Variants in MALT1 observed in about 807,000 individuals in gnomAD.
The protein encoded by MALT1 is MALT1 paracaspase, also known as mucosa-associated lymphoid tissue lymphoma translocation protein 1.
A neutral mutation model predicts 85.5 loss-of-function variants in MALT1; 36 were observed. The ratio of observed to expected loss-of-function variants is 0.42; its 90% CI spans 0.32 to 0.56. MALT1 has a LOEUF of 0.56. Among genes scored for constraint, MALT1 ranks in the 20% least tolerant of loss-of-function variants. The pLI, the probability that MALT1 is intolerant of heterozygous loss-of-function variation, is 0.10. For missense variants in MALT1, 716 were observed against 981.6 expected, an observed-to-expected ratio of 0.73 and a Z score of 3.62; for synonymous variants, 359 against 361.3, an observed-to-expected ratio of 0.99 and a Z score of 0.07.
chr18:58,741,432 A>G (rs1435927475), intron 13 of MALT1: 1 of 152,208 alleles, frequency 6.6e-6, no homozygotes, highest in Non-Finnish European at 1.5e-5. Flanking sequence ...CTGGATCACT[A>G]TATAATTTTG....
intron 13 of MALT1, among the ~76,000 whole-genome samples, chr18:58,736,112 A>T (rs1269509078): frequency 6.6e-6 from 1 of 152,140 alleles, no homozygotes; most frequent in African/African-American, 2.4e-5. Context: ...ACATAGCGAG[A>T]CCCTGTCTTC....
At chr18:58,720,415 T>G (rs1480296995) in intron 9 of MALT1, among the ~76,000 whole-genome samples, 2 of 152,216 alleles carry the variant, frequency 1.3e-5, no homozygotes, top group East Asian at 3.8e-4. Flanking sequence ...TACAAGTAGA[T>G]TGGACAGGTA....
chr18:58,671,517 C>T lies in MALT1; in HGVS notation c.-127C>T. On this transcript the variant is annotated 5_prime_UTR_variant, in exon 1 of 17. Coordinates refer to ENST00000649217, the MANE Select transcript of MALT1 (RefSeq NM_006785.4). The stretch of plus-strand genomic sequence containing the variant: ...GAGCTTCCTCCTCTGAGGGCCGTGC[C>T]GCGCTGCCAGATTTGTTCTTCCGCC... 3.7e-6 allele frequency: 2 copies of T among 534,992 alleles called. No homozygotes were observed. The highest frequency in any genetic ancestry group is 3.8e-5 in the East Asian group (1 of 26,188). 33.1% of individuals were successfully genotyped at this position (534,992 alleles called of 1,614,324 possible). A position where few individuals can be genotyped will look rare whatever the true frequency, so the allele number is the denominator to read the frequency against.
rs1343669825 is a variant in MALT1 at position 58,752,061 on chromosome 18, C to T, written c.*4219C>T. The stretch of plus-strand genomic sequence containing the variant: ...GCACATGAAGTAACAGTGAGGTGTC[C>T]TGTGCAGCAGTCGCAATTTTTTGAC... On this transcript the variant is annotated 3_prime_UTR_variant, in exon 17 of 17. Coordinates refer to ENST00000649217, the MANE Select transcript of MALT1 (RefSeq NM_006785.4). 2.0e-5 allele frequency: 3 copies of T among 152,188 alleles called. No homozygotes were observed. Among genetic ancestry groups the T allele is most frequent in the African/African-American group, 7.2e-5 (3 of 41,442 alleles). 9.4% of individuals were successfully genotyped at this position (152,188 alleles called of 1,614,324 possible).
chr18:58,703,966 A>C (rs568316713), intron 4 of MALT1, among the ~76,000 whole-genome samples: 16 of 152,304 alleles, frequency 1.1e-4, no homozygotes, highest in African/African-American at 3.8e-4. Flanking sequence ...TCCACTCAGC[A>C]TAATGTTTTT....
intron 16 of MALT1, among the ~76,000 whole-genome samples, chr18:58,746,700 C>T (rs2055371571): frequency 6.6e-6 from 1 of 151,548 alleles, no homozygotes; most frequent in South Asian, 2.1e-4. Context: ...ACAGCTTAAG[C>T]TTTTTTTATA....
At chr18:58,699,689 A>G (rs1282444274) in intron 3 of MALT1, among the ~76,000 whole-genome samples, 1 of 152,252 alleles carries the variant, frequency 6.6e-6, no homozygotes, top group Admixed American at 6.5e-5. Context: ...CAGATTTTAA[A>G]TCATCAGATT....
At chr18:58,684,945 G>A (rs2054379136) in intron 2 of MALT1, among the ~76,000 whole-genome samples, 1 of 152,090 alleles carries the variant, frequency 6.6e-6, no homozygotes, top group African/African-American at 2.4e-5. Context: ...TGCTGTGCTA[G>A]GCATTATGCT....
chr18:58,712,572 A>T (rs1398903161), intron 7 of MALT1, among the ~76,000 whole-genome samples: 1 of 152,176 alleles, frequency 6.6e-6, no homozygotes, highest in African/African-American at 2.4e-5. Context: ...AGGTTGGTTG[A>T]TAAGTACAGA....
At chr18:58,734,222 G>A in intron 11 of MALT1, 85 bp from the exon 12 acceptor site, 2 of 1,142,634 alleles carry the variant, frequency 1.8e-6, no homozygotes, top group African/African-American at 1.6e-5. Flanking sequence ...AAAAACTGTT[G>A]TATTTTCTCA....
At chr18:58,681,945 T>TA (rs1309953686) in intron 2 of MALT1, among the ~76,000 whole-genome samples, 1 of 152,164 alleles carries the variant, frequency 6.6e-6, no homozygotes, top group East Asian at 1.9e-4. Context: ...CAGCTGCAGA[T>TA]AGAGTTGGTC....
Position 58,700,998 on chromosome 18 carries a change from G to A in MALT1, c.649+407G>A, listed in dbSNP as rs149921819. 1.4e-3 allele frequency among the ~76,000 whole-genome samples: 209 copies of A among 152,078 alleles called. 1 individual carries two copies. The highest frequency in any genetic ancestry group is 0.01 in the Admixed American group (158 of 15,280). On this transcript the variant is annotated intron_variant, in intron 4 of 16. Coordinates refer to ENST00000649217, the MANE Select transcript of MALT1 (RefSeq NM_006785.4). ...AGTAGAAGTGGGGTTTCACCATGTT[G>A]GCCAGGCTGGTCTTGAACTCCCGAC...
At chr18:58,698,895 C>G (rs555139746) in intron 3 of MALT1, among the ~76,000 whole-genome samples, 1 of 152,118 alleles carries the variant, frequency 6.6e-6, no homozygotes, top group African/African-American at 2.4e-5. Flanking sequence ...TCATTGTGAC[C>G]GTAAAGTCCC....
intron 11 of MALT1, 167 bp downstream of exon 11, chr18:58,733,741 C>T: frequency 1.4e-6 from 1 of 740,586 alleles, no homozygotes; most frequent in East Asian, 2.8e-5. Flanking sequence ...CCATGTATAT[C>T]TAATTATTTT....
intron 15 of MALT1, among the ~76,000 whole-genome samples, chr18:58,744,719 T>C (rs2055344634): frequency 6.6e-6 from 1 of 152,152 alleles, no homozygotes; most frequent in African/African-American, 2.4e-5. Flanking sequence ...GAAGGATGCC[T>C]CTAATTTCTT....
chr18:58,715,006 C>T (rs2054880338), intron 8 of MALT1, among the ~76,000 whole-genome samples: 1 of 152,124 alleles, frequency 6.6e-6, no homozygotes, highest in Non-Finnish European at 1.5e-5. Context: ...TATAAGCAAA[C>T]TAGACACAGC....
Position 58,737,526 on chromosome 18 carries a change from A to G in MALT1, c.1603+2197A>G, listed in dbSNP as rs139474027. On this transcript the variant is annotated intron_variant, in intron 13 of 16. Transcript: ENST00000649217. ...TCCAGAGGGAGAAAAGTATTCACAGATTATAAGCCAAGCAGTTGAAGGGGA... is the reference window on the plus strand; with the variant it reads ...TCCAGAGGGAGAAAAGTATTCACAGGTTATAAGCCAAGCAGTTGAAGGGGA... Among the ~76,000 whole-genome samples, 90 of 151,904 alleles carry G rather than the reference A, an allele frequency of 5.9e-4. 1 individual carries two copies. The highest frequency in any genetic ancestry group is 2.0e-3 in the African/African-American group (85 of 41,478).
intron 2 of MALT1, among the ~76,000 whole-genome samples, chr18:58,695,671 T>G (rs1281641892): frequency 1.3e-5 from 2 of 152,200 alleles, no homozygotes; most frequent in Non-Finnish European, 2.9e-5. Context: ...TTTTGGAGCC[T>G]GGGAAGTCCG....
At position 58,747,986 on chromosome 18, in the gene MALT1, T is replaced by C. The variant is rs1308341109; in HGVS notation, c.*144T>C. 3 of 627,900 alleles carry C rather than the reference T, an allele frequency of 4.8e-6. No homozygotes were observed. Among genetic ancestry groups the C allele is most frequent in the Non-Finnish European group, 8.3e-6 (3 of 360,488 alleles). The allele number at this position is 627,900 out of a possible 1,614,324, so 38.9% of individuals were successfully genotyped here. A position where few individuals can be genotyped will look rare whatever the true frequency, so the allele number is the denominator to read the frequency against. ...CTGTTTCATAGCAAACTTCAGGACT[T>C]TGAGATGTTGAAATTACATTATTTA... On this transcript the variant is annotated 3_prime_UTR_variant, in exon 17 of 17. Coordinates refer to ENST00000649217, the MANE Select transcript of MALT1 (RefSeq NM_006785.4).
Sources: allele counts gnomAD v4.1 joint callset (sites outside exome capture counted in the v4.1 genomes callset), GRCh38; gene constraint gnomAD v4.1.1; transcripts MANE v1.5; gene names NCBI Gene and HGNC (gene_info 2026-07-23, HGNC 2026-07-21).